SRPK2: variants seen among roughly 807,000 people sequenced by gnomAD.
SRPK2 encodes the protein SFRS protein kinase 2.
In SRPK2, 21 loss-of-function variants were observed where a neutral mutation model predicts 90.8. The ratio of observed to expected loss-of-function variants is 0.23; its 90% CI spans 0.16 to 0.33. SRPK2 has a LOEUF of 0.33. SRPK2 is among the 10% of genes least tolerant of loss of function. SRPK2 has a pLI of 1.00. For synonymous variants in SRPK2, 288 were observed against 311.1 expected, an observed-to-expected ratio of 0.93 and a Z score of 0.78; for missense variants, 620 against 869.0, an observed-to-expected ratio of 0.71 and a Z score of 3.60.
chr7:105,353,365 A>C (rs115485813), intron 2 of SRPK2, among the ~76,000 whole-genome samples: 2,645 of 152,094 alleles, frequency 0.017, 76 homozygotes, highest in African/African-American at 0.061. Flanking sequence ...TTTTTGAAAC[A>C]GTCTCCCTCT....
chr7:105,143,508 G>T, intron 9 of SRPK2, 178 bp from the exon 10 acceptor site: 1 of 779,288 alleles, frequency 1.3e-6, no homozygotes, highest in Non-Finnish European at 2.0e-6. Context: ...CAAAGGGAAA[G>T]CAGTGCTGAC....
intron 2 of SRPK2, among the ~76,000 whole-genome samples, chr7:105,259,523 GGA>G (rs1803881260): frequency 6.6e-6 from 1 of 152,012 alleles, no homozygotes; most frequent in Non-Finnish European, 1.5e-5. Flanking sequence ...CACAGTATTG[GGA>G]AAAAAACTAC....
chr7:105,344,185 C>G (rs774358842), intron 2 of SRPK2, among the ~76,000 whole-genome samples: 20 of 152,236 alleles, frequency 1.3e-4, no homozygotes, highest in Non-Finnish European at 2.2e-4. Context: ...AATATGGTCT[C>G]TCTCAAAAAC....
At chr7:105,293,713 C>T (rs1809395999) in intron 2 of SRPK2, among the ~76,000 whole-genome samples, 1 of 152,176 alleles carries the variant, frequency 6.6e-6, no homozygotes, top group Non-Finnish European at 1.5e-5. Context: ...AGCCACCATG[C>T]CTGGCCTCAT....
chr7:105,150,317 G>A (rs376831243), intron 7 of SRPK2, among the ~76,000 whole-genome samples: 2 of 152,180 alleles, frequency 1.3e-5, no homozygotes, highest in African/African-American at 2.4e-5. Flanking sequence ...CCAGGAGTGC[G>A]AGACCAGCCT....
intron 6 of SRPK2, among the ~76,000 whole-genome samples, chr7:105,166,497 T>A (rs1282605384): frequency 1.3e-5 from 2 of 152,226 alleles, no homozygotes; most frequent in Admixed American, 1.3e-4. Flanking sequence ...ATTTGCTCTA[T>A]AATAATTCAG....
chr7:105,185,632 A>C (rs1793482606), intron 3 of SRPK2, among the ~76,000 whole-genome samples: 1 of 152,220 alleles, frequency 6.6e-6, no homozygotes, highest in South Asian at 2.1e-4. Context: ...AAAATGAGAA[A>C]GAGAAAAAAG....
intron 3 of SRPK2, among the ~76,000 whole-genome samples, chr7:105,197,575 C>G (rs913768767): frequency 6.6e-6 from 1 of 152,158 alleles, no homozygotes; most frequent in Admixed American, 6.5e-5. Context: ...AAAATACGTA[C>G]TGCATTATGG....
At chr7:105,291,064 A>C (rs1272937130) in intron 2 of SRPK2, among the ~76,000 whole-genome samples, 1 of 151,034 alleles carries the variant, frequency 6.6e-6, no homozygotes, top group Non-Finnish European at 1.5e-5. Context: ...AAAAAAAAAA[A>C]AGAAATGAAG....
chr7:105,289,133 G>T lies in SRPK2; in HGVS notation c.72-85348C>A, dbSNP rs1808601693. ...AAAAAAAAAAAAAAAAATTAGCCGG[G>T]CATGGTGGCAGGAGACTGTAGTCCC... is the stretch of plus-strand genomic sequence containing the variant. On this transcript the variant is annotated intron_variant, in intron 2 of 15. Coordinates refer to ENST00000393651, the MANE Select transcript of SRPK2 (RefSeq NM_182692.3). Among the ~76,000 whole-genome samples the T allele has an allele frequency of 2.0e-5, 3 of 149,830 alleles. 1 individual carries two copies. Among genetic ancestry groups the T allele is most frequent in the African/African-American group, 7.4e-5 (3 of 40,608 alleles).
chr7:105,247,494 G>GGA (rs1179642786), intron 2 of SRPK2, among the ~76,000 whole-genome samples: 1 of 136,982 alleles, frequency 7.3e-6, no homozygotes, highest in Admixed American at 7.4e-5. Flanking sequence ...AAATAACACC[G>GGA]GAGTGCCATA....
At chr7:105,380,518 A>G (rs1820815511) in intron 2 of SRPK2, among the ~76,000 whole-genome samples, 1 of 128,308 alleles carries the variant, frequency 7.8e-6, no homozygotes, top group Admixed American at 9.8e-5. Flanking sequence ...TTAACATGCT[A>G]AAATTTTTTT....
At chr7:105,139,338 GGACAA>G (rs570548927) in intron 11 of SRPK2, among the ~76,000 whole-genome samples, 6 of 152,170 alleles carry the variant, frequency 3.9e-5, no homozygotes, top group Middle Eastern at 3.4e-3. Context: ...CCCACTTTAG[GGACAA>G]GGCAAGGGGG....
chr7:105,364,813 G>A (rs1006726817), intron 2 of SRPK2, among the ~76,000 whole-genome samples: 1 of 152,114 alleles, frequency 6.6e-6, no homozygotes, highest in African/African-American at 2.4e-5. Flanking sequence ...TGGGGTTCTG[G>A]ATGGTCAGGG....
At chr7:105,176,418 T>C (rs1245212711) in intron 3 of SRPK2, among the ~76,000 whole-genome samples, 1 of 152,148 alleles carries the variant, frequency 6.6e-6, no homozygotes. Flanking sequence ...GCTCTCCCCA[T>C]TTCTAGTCTG....
intron 2 of SRPK2, among the ~76,000 whole-genome samples, chr7:105,380,907 T>C (rs1404433267): frequency 1.3e-5 from 2 of 148,350 alleles, no homozygotes; most frequent in East Asian, 2.0e-4. Context: ...CTGAATTCTG[T>C]ACTGAATTTT....
chr7:105,204,771 T>G, intron 2 of SRPK2: 1 of 547,004 alleles, frequency 1.8e-6, no homozygotes, highest in Non-Finnish European at 3.5e-6. Flanking sequence ...TAGCACCAGT[T>G]CCTCACACCA....
chr7:105,315,765 C>T (rs1812238731), intron 2 of SRPK2, among the ~76,000 whole-genome samples: 2 of 152,078 alleles, frequency 1.3e-5, no homozygotes, highest in Non-Finnish European at 2.9e-5. Context: ...AGATATACCC[C>T]CAACGAACAA....
intron 2 of SRPK2, among the ~76,000 whole-genome samples, chr7:105,337,208 A>T (rs1815195629): frequency 6.6e-6 from 1 of 152,120 alleles, no homozygotes; most frequent in Admixed American, 6.6e-5. Context: ...TGTCCCCCCA[A>T]AATTCGTATG....
Sources: gnomAD v4.1 joint callset for allele counts (sites outside exome capture counted in the v4.1 genomes callset) on GRCh38, gnomAD v4.1.1 for gene constraint, MANE v1.5 for transcripts, NCBI Gene and HGNC (gene_info 2026-07-23, HGNC 2026-07-21) for gene names.